Variants in CAB39 observed in about 807,000 individuals in gnomAD.
The protein encoded by CAB39 is calcium binding protein 39.
CAB39 carries 8 observed loss-of-function variants against 40.0 expected under a neutral mutation model. The observed-to-expected ratio is 0.20, with a 90% CI of 0.12 to 0.36. The LOEUF is 0.36. CAB39 is among the 10% of genes least tolerant of loss of function. CAB39 has a pLI of 1.00. For synonymous variants in CAB39, 156 were observed against 141.6 expected, an observed-to-expected ratio of 1.10 and a Z score of -0.72; for missense variants, 270 against 401.1, an observed-to-expected ratio of 0.67 and a Z score of 2.79.
At chr2:230,801,352 G>A (rs1347606106) in intron 5 of CAB39, among the ~76,000 whole-genome samples, 3 of 152,172 alleles carry the variant, frequency 2.0e-5, no homozygotes, top group Non-Finnish European at 4.4e-5. Flanking sequence ...CACCAGAGGC[G>A]CTGACAAGGA....
intron 1 of CAB39, among the ~76,000 whole-genome samples, chr2:230,734,104 C>G (rs1414075486): frequency 6.6e-6 from 1 of 152,212 alleles, no homozygotes; most frequent in African/African-American, 2.4e-5. Flanking sequence ...GACCCCTGCC[C>G]TTAGAGGTGG....
chr2:230,728,488 A>G (rs1379402013), intron 1 of CAB39, among the ~76,000 whole-genome samples: 1 of 151,972 alleles, frequency 6.6e-6, no homozygotes, highest in African/African-American at 2.4e-5. Flanking sequence ...TTTTGTAGAA[A>G]TCGTGTTTTG....
At chr2:230,735,415 C>T (rs1162207774) in intron 1 of CAB39, among the ~76,000 whole-genome samples, 2 of 152,180 alleles carry the variant, frequency 1.3e-5, no homozygotes, top group Admixed American at 1.3e-4. Context: ...GATCCGTCCG[C>T]CTCGGCCTCC....
chr2:230,718,284 G>A (rs1694387914), intron 1 of CAB39, among the ~76,000 whole-genome samples: 1 of 152,184 alleles, frequency 6.6e-6, no homozygotes, highest in African/African-American at 2.4e-5. Context: ...TTGTGATCTT[G>A]TCTCATGAAC....
chr2:230,779,304 C>T (rs571279661), intron 2 of CAB39: 1 of 152,356 alleles, frequency 6.6e-6, no homozygotes, highest in Admixed American at 6.5e-5. Flanking sequence ...AGCCTCCACA[C>T]TCCCACCACA....
chr2:230,755,885 G>A (rs1313655991), intron 1 of CAB39, among the ~76,000 whole-genome samples: 1 of 152,152 alleles, frequency 6.6e-6, no homozygotes, highest in Non-Finnish European at 1.5e-5. Flanking sequence ...AACCCTTCTC[G>A]AACCATTGCT....
rs192811843 is a variant in CAB39, at chr2:230,818,820, G to A, written c.*116G>A. 32 of 833,968 alleles carry A rather than the reference G, an allele frequency of 3.8e-5. No homozygotes were observed. Among genetic ancestry groups the A allele is most frequent in the African/African-American group, 1.0e-4 (6 of 57,524 alleles). 51.7% of individuals were successfully genotyped at this position (833,968 alleles called of 1,614,324 possible). A position where few individuals can be genotyped will look rare whatever the true frequency, so the allele number is the denominator to read the frequency against. On this transcript the variant is annotated 3_prime_UTR_variant, in exon 9 of 9. Coordinates refer to ENST00000258418, the MANE Select transcript of CAB39 (RefSeq NM_016289.4). Reference sequence around the variant, plus strand: ...ACTGCTAATCTGCTGTTAAGTGAACGGTTTTTCATTTTACCCTTTTGTTTT... The same window carrying A: ...ACTGCTAATCTGCTGTTAAGTGAACAGTTTTTCATTTTACCCTTTTGTTTT...
chr2:230,772,979 CAATAAAAAAAA>C (rs1446696118), intron 2 of CAB39, among the ~76,000 whole-genome samples: 1 of 60,918 alleles, frequency 1.6e-5, no homozygotes, highest in African/African-American at 8.3e-5. Context: ...TACTACTCAG[CAATAAAAAAAA>C]AAAAAAAAAA....
intron 7 of CAB39, among the ~76,000 whole-genome samples, chr2:230,817,360 TTAAGC>T (rs1389835788): frequency 6.6e-6 from 1 of 152,264 alleles, no homozygotes; most frequent in Non-Finnish European, 1.5e-5. Flanking sequence ...TTGTTTTAAA[TTAAGC>T]TAAGGTTTGT....
At chr2:230,790,790 A>G in intron 2 of CAB39, 82 bp from the exon 3 acceptor site, 1 of 1,220,240 alleles carries the variant, frequency 8.2e-7, no homozygotes, top group Non-Finnish European at 1.2e-6. Context: ...TAGAGAGGTG[A>G]TTTGACAAAT....
intron 5 of CAB39, among the ~76,000 whole-genome samples, chr2:230,799,424 A>C (rs1486888528): frequency 2.0e-5 from 3 of 152,234 alleles, no homozygotes; most frequent in Non-Finnish European, 4.4e-5. Context: ...GAGCGTGGAC[A>C]GAATCACCCA....
chr2:230,772,487 G>GTT (rs35032723), intron 2 of CAB39, among the ~76,000 whole-genome samples: 149 of 142,648 alleles, frequency 1.0e-3, no homozygotes, highest in Middle Eastern at 7.3e-3. Context: ...AGTTTGGCAG[G>GTT]TTTTTTTTTT....
chr2:230,808,051 T>C (rs978004493), intron 5 of CAB39, among the ~76,000 whole-genome samples: 4 of 147,914 alleles, frequency 2.7e-5, no homozygotes, highest in Admixed American at 6.6e-5. Context: ...CCAGGCACTT[T>C]TTTTCTTTTC....
In CAB39 at chr2:230,761,168, T is replaced by C. The variant is rs530823285; in HGVS notation, c.114+1053T>C. 2.0e-5 allele frequency among the ~76,000 whole-genome samples: 3 copies of C among 152,296 alleles called. No homozygotes were observed. In the East Asian group the frequency reaches 5.8e-4, roughly 29 times the overall value. ...ATTTATGTTTTATATAGACCTTGTA[T>C]ACATAGACTGAAGGTAATTTTATAC... On this transcript the variant is annotated intron_variant, in intron 2 of 8. Coordinates refer to ENST00000258418, the MANE Select transcript of CAB39 (RefSeq NM_016289.4).
Position 230,745,264 on chromosome 2 carries a change from G to A in CAB39, c.-43-14695G>A, listed in dbSNP as rs538398957. Among the ~76,000 whole-genome samples the A allele has an allele frequency of 1.5e-3, 225 of 152,272 alleles. 1 individual carries two copies. The highest frequency in any genetic ancestry group is 5.2e-3 in the African/African-American group (218 of 41,558). On this transcript the variant is annotated intron_variant, in intron 1 of 8. Transcript: ENST00000258418. ...GTTTTAGGATCGTGGAGAATGTTCC[G>A]CTAACAATGGTCTACCTTTACCCTT...
In CAB39 at chr2:230,793,195, T is replaced by C; in HGVS notation, c.280-18T>C. 7.1e-7 allele frequency: 1 copy of C among 1,412,636 alleles called. No homozygotes were observed. 87.5% of individuals were successfully genotyped at this position (1,412,636 alleles called of 1,614,324 possible). A position where few individuals can be genotyped will look rare whatever the true frequency, so the allele number is the denominator to read the frequency against. On this transcript the variant is annotated intron_variant, in intron 3 of 8. Transcript: ENST00000258418. Reference sequence around the variant, plus strand: ...ATGTTTGGTCAGGAAAATGTGTTAATGATTGTATTCCTAATAGGGCAAAAA... The same window carrying C: ...ATGTTTGGTCAGGAAAATGTGTTAACGATTGTATTCCTAATAGGGCAAAAA...
chr2:230,782,820 T>C (rs1161866249), intron 2 of CAB39, among the ~76,000 whole-genome samples: 38 of 139,612 alleles, frequency 2.7e-4, no homozygotes, highest in Non-Finnish European at 4.6e-4. Context: ...TTTCTTTTTT[T>C]TTTTTTTTTT....
At chr2:230,726,797 G>A (rs1694580382) in intron 1 of CAB39, among the ~76,000 whole-genome samples, 1 of 151,786 alleles carries the variant, frequency 6.6e-6, no homozygotes. Flanking sequence ...GATGGAAAGA[G>A]GGCAACCCTT....
At chr2:230,752,141 G>A (rs1408368239) in intron 1 of CAB39, 2 of 144,178 alleles carry the variant, frequency 1.4e-5, no homozygotes, top group Non-Finnish European at 3.0e-5. Flanking sequence ...GATGATTTTG[G>A]TGCTCGCTTT....
Sources: gnomAD v4.1 joint callset for allele counts (sites outside exome capture counted in the v4.1 genomes callset) on GRCh38, gnomAD v4.1.1 for gene constraint, MANE v1.5 for transcripts, NCBI Gene and HGNC (gene_info 2026-07-23, HGNC 2026-07-21) for gene names.